Variants in ZYG11A observed in about 807,000 individuals in gnomAD.
The protein encoded by ZYG11A is zyg-11 family member A, cell cycle regulator, also known as protein zyg-11 homolog A.
Under a neutral mutation model 77.2 loss-of-function variants are expected in ZYG11A, and 62 were observed. The ratio of observed to expected loss-of-function variants is 0.80; its 90% CI spans 0.65 to 0.99. The LOEUF is 0.99. ZYG11A is among the 50% of genes least tolerant of loss of function. The pLI, the probability that ZYG11A is intolerant of heterozygous loss-of-function variation, is 0.00. For synonymous variants in ZYG11A, 315 were observed against 324.6 expected (o/e 0.97, Z 0.32); for missense variants, 828 against 896.8 (o/e 0.92, Z 0.98).
chr1:52,874,721 G>T (rs1431453399), intron 8 of ZYG11A, among the ~76,000 whole-genome samples: 1 of 152,060 alleles, frequency 6.6e-6, no homozygotes, highest in East Asian at 1.9e-4. Flanking sequence ...ACAAAAATTA[G>T]CCGGGTGGGG....
rs1359507122 is a variant in ZYG11A at position 52,857,426 on chromosome 1, C to T, written c.685C>T (p.Arg229Ter). 26 of 1,551,844 alleles carry T rather than the reference C, an allele frequency of 1.7e-5. No homozygotes were observed. The highest frequency in any genetic ancestry group is 2.4e-5 in the East Asian group (1 of 40,936). ...DISALLTCKDRLKSLTMHYLK... is the reference protein window; with the variant it reads ...DISALLTCKD ...TTCTGCACTGCTTACCTGTAAGGATCGATTGAAGTCTCTCACAATGCACTA... is the reference window on the plus strand; with the variant it reads ...TTCTGCACTGCTTACCTGTAAGGATTGATTGAAGTCTCTCACAATGCACTA... Residue 229 changes from arginine (R) to a stop codon, truncating the protein, a stop_gained, in exon 3 of 14, where the codon CGA becomes TGA. Coordinates refer to ENST00000371528, the MANE Select transcript of ZYG11A (RefSeq NM_001004339.3). LOFTEE classifies it high-confidence loss of function.
rs754130136 is a variant in ZYG11A at position 52,877,970 on chromosome 1, G to A, written c.1749+1G>A. ...ACAAAGCAAAGTACTTGGTCTTTTG[G>A]TAAGGTGAATTGTTTTGAATTAATT... On this transcript the variant is annotated splice_donor_variant, in intron 10 of 13. Coordinates refer to ENST00000371528, the MANE Select transcript of ZYG11A (RefSeq NM_001004339.3). LOFTEE classifies it high-confidence loss of function. 2.2e-5 allele frequency: 34 copies of A among 1,551,306 alleles called. No individual in the cohort carries two copies. The highest frequency in any genetic ancestry group is 3.0e-5 in the Non-Finnish European group (34 of 1,146,912).
At chr1:52,884,953 G>A (rs577915345) in intron 11 of ZYG11A, among the ~76,000 whole-genome samples, 1 of 151,856 alleles carries the variant, frequency 6.6e-6, no homozygotes, top group South Asian at 2.1e-4. Flanking sequence ...GTCCAGGCTG[G>A]AGTGCAGTGC....
chr1:52,868,695 GAGGATTGTTTGAGCC>G (rs1646077905), intron 8 of ZYG11A, among the ~76,000 whole-genome samples: 2 of 152,154 alleles, frequency 1.3e-5, no homozygotes, highest in South Asian at 4.1e-4. Flanking sequence ...GCTGAGGCAC[GAGGATTGTTTGAGCC>G]CAGGAGGTGG....
At chr1:52,846,903 A>T (rs531202567) in intron 1 of ZYG11A, among the ~76,000 whole-genome samples, 51 of 145,484 alleles carry the variant, frequency 3.5e-4, no homozygotes, top group African/African-American at 1.3e-3. Context: ...GCTGGAGTGC[A>T]GTGGCGCAAT....
intron 11 of ZYG11A, chr1:52,881,867 C>A: frequency 2.7e-6 from 1 of 369,404 alleles, no homozygotes; most frequent in South Asian, 5.7e-5. Flanking sequence ...TTCTCATCAG[C>A]TTTTTTTTTT....
At chr1:52,862,521 C>T (rs926454421) in intron 4 of ZYG11A, among the ~76,000 whole-genome samples, 6 of 151,674 alleles carry the variant, frequency 4.0e-5, no homozygotes, top group African/African-American at 1.5e-4. Context: ...ACCGTGTTAG[C>T]CAGGATGGTC....
chr1:52,881,904 CTT>C (rs140988580), intron 11 of ZYG11A, among the ~76,000 whole-genome samples: 72,890 of 139,684 alleles, frequency 0.52, 18,851 homozygotes, highest in Non-Finnish European at 0.59. Context: ...ATTGATGTTT[CTT>C]TTTTTTTTTT....
In ZYG11A at chr1:52,881,657, C is replaced by T. The variant is rs1646364411; in HGVS notation, c.1936C>T (p.Gln646Ter). 6.5e-7 allele frequency: 1 copy of T among 1,549,782 alleles called. No individual in the cohort carries two copies. Among genetic ancestry groups the T allele is most frequent in the African/African-American group, 1.4e-5 (1 of 72,998 alleles). The stretch of plus-strand genomic sequence containing the variant: ...TGACTTCCAGAGGCGTACTCTTCTC[C>T]AAGATCTGGTACAGGAACCACATTC... ...SRDFQRRTLL[Q>*]DLHATIQNWP... The change falls in exon 11 of 14, where the codon CAA becomes TAA. Residue 646 changes from glutamine to a stop codon, truncating the protein, a stop_gained. Transcript: ENST00000371528. LOFTEE classifies it high-confidence loss of function.
chr1:52,884,485 G>A (rs1332766736), intron 11 of ZYG11A, among the ~76,000 whole-genome samples: 1 of 116,922 alleles, frequency 8.6e-6, no homozygotes, highest in Non-Finnish European at 1.8e-5. Context: ...AACAGAGCGA[G>A]ACTGCCTCAA....
At chr1:52,855,570 C>T (rs116132244) in intron 2 of ZYG11A, among the ~76,000 whole-genome samples, 41 of 152,310 alleles carry the variant, frequency 2.7e-4, no homozygotes, top group African/African-American at 8.9e-4. Context: ...TCCCTTTTCC[C>T]GCATCCCTCC....
intron 8 of ZYG11A, among the ~76,000 whole-genome samples, chr1:52,873,205 AG>A (rs1459594830): frequency 1.4e-4 from 21 of 152,174 alleles, no homozygotes; most frequent in African/African-American, 4.8e-4. Context: ...TCAGCTACTC[AG>A]GAGGCTGAGA....
chr1:52,846,800 T>C (rs1030673458), intron 1 of ZYG11A, among the ~76,000 whole-genome samples: 12 of 152,004 alleles, frequency 7.9e-5, no homozygotes, highest in African/African-American at 2.9e-4. Flanking sequence ...AGAGTGGTAC[T>C]AGGACCAAAA....
chr1:52,867,846 A>G, intron 8 of ZYG11A, 69 bp downstream of exon 8: 2 of 1,346,922 alleles, frequency 1.5e-6, no homozygotes, highest in Non-Finnish European at 2.0e-6. Context: ...GCTTAAAAAA[A>G]AAATCAAATC....
At chr1:52,877,016 G>A (rs975049314) in intron 8 of ZYG11A, among the ~76,000 whole-genome samples, 2 of 152,150 alleles carry the variant, frequency 1.3e-5, no homozygotes, top group African/African-American at 4.8e-5. Context: ...GTGAGGTCAT[G>A]TGATGGAATG....
intron 10 of ZYG11A, among the ~76,000 whole-genome samples, 186 bp downstream of exon 10, chr1:52,878,155 A>T (rs1413142181): frequency 6.6e-6 from 1 of 152,250 alleles, no homozygotes; most frequent in Non-Finnish European, 1.5e-5. Context: ...AACAAACTAT[A>T]GCTTAGTGGC....
chr1:52,854,888 A>G (rs1186874288), intron 2 of ZYG11A, among the ~76,000 whole-genome samples: 1 of 147,738 alleles, frequency 6.8e-6, no homozygotes, highest in Admixed American at 6.7e-5. Context: ...TTTTTTTGAG[A>G]CGGATTTTCA....
At position 52,857,400 on chromosome 1, in the gene ZYG11A, T is replaced by C. The variant is rs1296688325; in HGVS notation, c.659T>C (p.Ile220Thr). 1.3e-6 allele frequency: 2 copies of C among 1,551,800 alleles called. No individual in the cohort carries two copies. The highest frequency in any genetic ancestry group is 1.7e-6 in the Non-Finnish European group (2 of 1,147,048). The stretch of plus-strand genomic sequence containing the variant: ...ATCTCTAATACTCTAGTCACTGATA[T>C]TTCTGCACTGCTTACCTGTAAGGAT... ...LDISNTLVTD[I>T]SALLTCKDRL... Residue 220 changes from isoleucine to threonine, a missense_variant, in exon 3 of 14, where the codon ATT (isoleucine) becomes ACT (threonine). Coordinates refer to ENST00000371528, the MANE Select transcript of ZYG11A (RefSeq NM_001004339.3).
intron 1 of ZYG11A, among the ~76,000 whole-genome samples, chr1:52,851,035 G>C (rs994817802): frequency 1.3e-5 from 2 of 151,922 alleles, no homozygotes; most frequent in African/African-American, 4.8e-5. Context: ...GCAATTCAGA[G>C]ACTTAAAATT....
Sources: allele counts gnomAD v4.1 joint callset (sites outside exome capture counted in the v4.1 genomes callset), GRCh38; gene constraint gnomAD v4.1.1; transcripts MANE v1.5; gene names NCBI Gene and HGNC (gene_info 2026-07-23, HGNC 2026-07-21).